WRN: variants seen among roughly 807,000 people sequenced by gnomAD.
WRN encodes WRN RecQ like helicase.
A neutral mutation model predicts 180.7 loss-of-function variants in WRN; 149 were observed. The ratio of observed to expected loss-of-function variants is 0.82; its 90% confidence interval spans 0.72 to 0.94. The LOEUF (loss-of-function observed/expected upper bound fraction) is 0.94. Among genes scored for constraint, WRN ranks in the 40% least tolerant of loss-of-function variants. The pLI, the probability that WRN is intolerant of heterozygous loss-of-function variation, is 0.00. For missense variants in WRN, 1,661 were observed against 1,700.1 expected (o/e 0.98, Z 0.40); for synonymous variants, 548 against 568.9 (o/e 0.96, Z 0.52).
chr8:31,162,547 A>C (rs1803672144), intron 33 of WRN, among the ~76,000 whole-genome samples: 1 of 152,216 alleles, frequency 6.6e-6, no homozygotes, highest in Admixed American at 6.5e-5. Context: ...GCAAACACAT[A>C]AACATAGTAA....
chr8:31,134,810 G>A (rs1802337278), intron 24 of WRN, among the ~76,000 whole-genome samples: 1 of 152,054 alleles, frequency 6.6e-6, no homozygotes, highest in Non-Finnish European at 1.5e-5. Context: ...ACTATCTAAC[G>A]GGAGAGGATT....
In WRN at chr8:31,067,076, A is replaced by G. The variant is rs746210769; in HGVS notation, c.548A>G (p.His183Arg). 9.1e-5 allele frequency: 147 copies of G among 1,613,966 alleles called. 1 individual carries two copies. In the South Asian group the frequency reaches 1.1e-3, roughly 12 times the overall value. The part of the protein sequence containing the change: ...ETWSLNSLVK[H>R]LLGKQLLKDK... Reference sequence around the variant, plus strand: ...TGGAGCCTTAACAGTCTGGTTAAACACCTCTTAGGTAAACAGCTCCTGAAA... The same window carrying G: ...TGGAGCCTTAACAGTCTGGTTAAACGCCTCTTAGGTAAACAGCTCCTGAAA... Residue 183 changes from histidine to arginine, a missense_variant, in exon 6 of 35, where the codon CAC becomes CGC. Physicochemically the swap from His to Arg is conservative, Grantham distance 29. Transcript: ENST00000298139.
At chr8:31,035,251 A>G (rs1027264054) in intron 1 of WRN, among the ~76,000 whole-genome samples, 3 of 152,088 alleles carry the variant, frequency 2.0e-5, no homozygotes, top group Non-Finnish European at 4.4e-5. Flanking sequence ...AATAGAGATT[A>G]AAAAGGAAAG....
chr8:31,139,609 T>A (rs1014625063), intron 24 of WRN, among the ~76,000 whole-genome samples: 3 of 152,216 alleles, frequency 2.0e-5, no homozygotes, highest in Non-Finnish European at 4.4e-5. Context: ...TACCTTTGCA[T>A]GCTCTGCAAA....
intron 33 of WRN, among the ~76,000 whole-genome samples, chr8:31,162,039 C>A (rs1296242765): frequency 1.3e-5 from 2 of 152,026 alleles, no homozygotes; most frequent in Admixed American, 1.3e-4. Context: ...ACGAGTCTAC[C>A]TACTGTATAA....
chr8:31,080,975 CT>C lies in WRN; in HGVS notation c.950del (p.Leu317TyrfsTer23). On this transcript the variant is annotated frameshift_variant, in exon 9 of 35. Coordinates refer to ENST00000298139, the MANE Select transcript of WRN (RefSeq NM_000553.6). LOFTEE classifies it high-confidence loss of function. Reference protein sequence around the residue: ...TELRPSNNLNLLSFEDSTTGG... With the variant: ...TELRPSNNLNXLSFEDSTTGG... The stretch of plus-strand genomic sequence containing the variant: ...AACTGAGGCCCAGCAATAATTTAAA[CT>C]TATTATCCTTTGAAGATTCAACTAC... 6.2e-7 allele frequency: 1 copy of C among 1,613,814 alleles called. No individual in the cohort carries two copies.
chr8:31,108,810 A>G (rs767072943), intron 18 of WRN, among the ~76,000 whole-genome samples: 2 of 152,108 alleles, frequency 1.3e-5, no homozygotes, highest in African/African-American at 2.4e-5. Flanking sequence ...GCTGCAGCAG[A>G]GGAGAAGGGA....
intron 7 of WRN, 46 bp downstream of exon 7, chr8:31,068,373 G>A (rs1243869995): frequency 1.4e-6 from 2 of 1,481,244 alleles, no homozygotes; most frequent in Non-Finnish European, 1.9e-6. Context: ...TCTTTTGTGA[G>A]GTTTATCTCC....
At chr8:31,136,809 C>G (rs1339821858) in intron 24 of WRN, among the ~76,000 whole-genome samples, 1 of 151,826 alleles carries the variant, frequency 6.6e-6, no homozygotes, top group Non-Finnish European at 1.5e-5. Context: ...TGCACTCCAG[C>G]CTGGGTGACA....
intron 8 of WRN, among the ~76,000 whole-genome samples, chr8:31,078,753 C>G (rs567217777): frequency 2.0e-5 from 3 of 152,154 alleles, no homozygotes; most frequent in Non-Finnish European, 4.4e-5. Flanking sequence ...GGTGCTAAGG[C>G]TGTCTGCAGG....
At chr8:31,110,519 G>A (rs545699528) in intron 18 of WRN, among the ~76,000 whole-genome samples, 340 of 152,134 alleles carry the variant, frequency 2.2e-3, no homozygotes, top group Middle Eastern at 3.4e-3. Flanking sequence ...ATTCAGTAAA[G>A]TTATAGTGAT....
At chr8:31,112,411 C>G (rs1801355837) in intron 19 of WRN, among the ~76,000 whole-genome samples, 1 of 152,090 alleles carries the variant, frequency 6.6e-6, no homozygotes, top group Non-Finnish European at 1.5e-5. Context: ...ATTGTAGGCG[C>G]TTTCTATATA....
intron 8 of WRN, among the ~76,000 whole-genome samples, chr8:31,078,514 C>T (rs1261203013): frequency 6.6e-6 from 1 of 152,156 alleles, no homozygotes; most frequent in Non-Finnish European, 1.5e-5. Context: ...ATCATATTCA[C>T]ATGACAGTAG....
At chr8:31,140,817 G>A (rs781696800) in intron 24 of WRN, among the ~76,000 whole-genome samples, 1 of 151,920 alleles carries the variant, frequency 6.6e-6, no homozygotes, top group Admixed American at 6.6e-5. Flanking sequence ...GTGCAGTGGC[G>A]TGATCTCGGC....
intron 21 of WRN, among the ~76,000 whole-genome samples, chr8:31,122,467 TA>T (rs977560816): frequency 6.6e-5 from 10 of 151,988 alleles, no homozygotes; most frequent in Non-Finnish European, 1.3e-4. Flanking sequence ...TTTATGTTTT[TA>T]ATTGCAGAAT....
In WRN at chr8:31,124,641, T is replaced by C; in HGVS notation, c.2732+18T>C. On this transcript the variant is annotated intron_variant, in intron 22 of 34. Coordinates refer to ENST00000298139, the MANE Select transcript of WRN (RefSeq NM_000553.6). ...AGGAGACAGTATGTATTATTTATTTTATGCCAATAGTATGGATTTATGGAT... is the reference window on the plus strand; with the variant it reads ...AGGAGACAGTATGTATTATTTATTTCATGCCAATAGTATGGATTTATGGAT... 1.3e-6 allele frequency: 2 copies of C among 1,580,358 alleles called. No individual in the cohort carries two copies. The highest frequency in any genetic ancestry group is 1.7e-5 in the Admixed American group (1 of 59,802).
chr8:31,062,369 T>TGCAATTA (rs1812519989), intron 3 of WRN, among the ~76,000 whole-genome samples: 1 of 151,788 alleles, frequency 6.6e-6, no homozygotes, highest in Admixed American at 6.6e-5. Context: ...ATAATAGATA[T>TGCAATTA]GCATATTCCT....
intron 19 of WRN, 150 bp from the exon 20 acceptor site, chr8:31,116,204 A>C: frequency 2.6e-6 from 2 of 767,974 alleles, no homozygotes; most frequent in Admixed American, 5.7e-5. Flanking sequence ...ATTTTCATGC[A>C]CTTAAATATA....
At chr8:31,120,633 C>G (rs543022282) in intron 21 of WRN, among the ~76,000 whole-genome samples, 1 of 151,710 alleles carries the variant, frequency 6.6e-6, no homozygotes, top group African/African-American at 2.4e-5. Context: ...TGGAGATGAG[C>G]TAATTTCAGC....
Sources: allele counts gnomAD v4.1 joint callset (sites outside exome capture counted in the v4.1 genomes callset), GRCh38; gene constraint gnomAD v4.1.1; transcripts MANE v1.5; gene names NCBI Gene and HGNC (gene_info 2026-07-23, HGNC 2026-07-21).